NLRC5: variants seen among roughly 807,000 people sequenced by gnomAD.
NLRC5 encodes protein NLRC5.
In NLRC5, 114 loss-of-function variants were observed where a neutral mutation model predicts 206.9. The ratio of observed to expected loss-of-function variants is 0.55; its 90% CI spans 0.47 to 0.64. NLRC5 has a LOEUF of 0.64. NLRC5 is among the 30% of genes least tolerant of loss of function. NLRC5 has a pLI of 0.00. For synonymous variants in NLRC5, 952 were observed against 962.8 expected, an observed-to-expected ratio of 0.99 and a Z score of 0.21; for missense variants, 2,008 against 2,305.5, an observed-to-expected ratio of 0.87 and a Z score of 2.64.
At chr16:57,080,481 A>AT (rs34595999) in intron 46 of NLRC5, among the ~76,000 whole-genome samples, 21,342 of 110,934 alleles carry the variant, frequency 0.19, 3,224 homozygotes, top group South Asian at 0.35. Context: ...TCCTTTCAAG[A>AT]TTTTTTTTTT....
At chr16:57,038,428 T>G (rs2062870770) in intron 15 of NLRC5, among the ~76,000 whole-genome samples, 1 of 152,130 alleles carries the variant, frequency 6.6e-6, no homozygotes, top group Admixed American at 6.5e-5. Context: ...TGGCAATTTT[T>G]TTTATTTTTA....
At chr16:57,027,150 C>T (rs1372992366) in intron 6 of NLRC5, 132 bp downstream of exon 6, 1 of 1,100,216 alleles carries the variant, frequency 9.1e-7, no homozygotes, top group Non-Finnish European at 1.3e-6. Context: ...GCCTGCAATG[C>T]AAGAGAGGAA....
chr16:57,004,151 G>C (rs1313298153), intron 1 of NLRC5: 1 of 152,718 alleles, frequency 6.5e-6, no homozygotes, highest in Non-Finnish European at 1.5e-5. Context: ...GCAAGGCGGG[G>C]ACTTGTGAAA....
In NLRC5 at chr16:57,059,399, G is replaced by T. The variant is rs2066115252; in HGVS notation, c.3921-68G>T. The T allele has an allele frequency of 4.5e-6, 7 of 1,551,532 alleles. No homozygotes were observed. ...CCCGCTTCCCTCTCTGTGCCCTGTG[G>T]GTGCCCTAGGTGCCTAGGAAGCTGG... On this transcript the variant is annotated intron_variant, in intron 29 of 48. Coordinates refer to ENST00000688547, the MANE Select transcript of NLRC5 (RefSeq NM_001384950.1).
intron 16 of NLRC5, among the ~76,000 whole-genome samples, 165 bp from the exon 17 acceptor site, chr16:57,040,485 G>A (rs2063144760): frequency 6.6e-6 from 1 of 152,172 alleles, no homozygotes; most frequent in South Asian, 2.1e-4. Context: ...GCTGTGATTT[G>A]TCCAGGGTCA....
At chr16:57,012,354 T>A (rs2059588996) in intron 1 of NLRC5, among the ~76,000 whole-genome samples, 1 of 152,092 alleles carries the variant, frequency 6.6e-6, no homozygotes, top group Admixed American at 6.6e-5. Context: ...ATATTTTCAT[T>A]TCTCTTGGAA....
At position 57,082,528 on chromosome 16, in the gene NLRC5, A is replaced by G. The variant is rs770066231; in HGVS notation, c.5601A>G (p.Ter1867TrpextTer12). The change falls in exon 49 of 49, where the codon TGA becomes TGG. Residue 1867 changes from the stop codon to tryptophan (W), a stop_lost. Coordinates refer to ENST00000688547, the MANE Select transcript of NLRC5 (RefSeq NM_001384950.1). ...DNQPQAPWGT[*>W] ...AGCCCCAGGCCCCTTGGGGTACTTG[A>G]TGGCCCCCTCAAGACCTTTGGAATC... The G allele has an allele frequency of 1.6e-5, 25 of 1,608,598 alleles. No homozygotes were observed. Among genetic ancestry groups the G allele is most frequent in the Middle Eastern group, 1.7e-4 (1 of 6,048 alleles).
At chr16:56,998,371 T>C (rs17310296) in intron 1 of NLRC5, among the ~76,000 whole-genome samples, 6,853 of 152,246 alleles carry the variant, frequency 0.045, 254 homozygotes, top group South Asian at 0.16. Context: ...CTATTTGATA[T>C]GTTTCCAGAA....
At chr16:57,021,891 G>A (rs956635707) in intron 3 of NLRC5, among the ~76,000 whole-genome samples, 5 of 152,202 alleles carry the variant, frequency 3.3e-5, no homozygotes, top group African/African-American at 9.6e-5. Flanking sequence ...AATTGCGGGG[G>A]GCGGGGCGGC....
chr16:56,990,646 A>C (rs1253568153), intron 1 of NLRC5: 1 of 152,172 alleles, frequency 6.6e-6, no homozygotes. Context: ...GCAGACCTAA[A>C]AAGCAGTTTG....
intron 33 of NLRC5, among the ~76,000 whole-genome samples, chr16:57,066,019 C>CCCCA (rs1435214110): frequency 1.3e-5 from 2 of 152,208 alleles, no homozygotes; most frequent in Non-Finnish European, 2.9e-5. Flanking sequence ...ACATCCCCTA[C>CCCCA]CCCACCCTTC....
chr16:57,013,305 G>T, intron 1 of NLRC5: 1 of 625,004 alleles, frequency 1.6e-6, no homozygotes, highest in Admixed American at 2.2e-5. Context: ...TCATTTCTAA[G>T]CTGACGGTCA....
At chr16:57,044,189 T>C (rs1292143087) in intron 20 of NLRC5, among the ~76,000 whole-genome samples, 1 of 150,358 alleles carries the variant, frequency 6.7e-6, no homozygotes, top group Non-Finnish European at 1.5e-5. Context: ...TGAGCCCTTG[T>C]AGTGCCAGCC....
chr16:57,082,687 G>A lies in NLRC5; in HGVS notation c.*159G>A, dbSNP rs1021826305. On this transcript the variant is annotated 3_prime_UTR_variant, in exon 49 of 49. Transcript: ENST00000688547. ...CGTGTGTCCTGCTGCAGTCCTCAGG[G>A]AGAACTTTTTTGGGAACCAGGAGCT... 8.2e-5 allele frequency: 48 copies of A among 582,364 alleles called. No homozygotes were observed. The highest frequency in any genetic ancestry group is 2.6e-4 in the African/African-American group (14 of 53,520). 36.1% of individuals were successfully genotyped at this position (582,364 alleles called of 1,614,324 possible). A position where few individuals can be genotyped will look rare whatever the true frequency, so the allele number is the denominator to read the frequency against.
intron 10 of NLRC5, among the ~76,000 whole-genome samples, chr16:57,030,614 AGATG>A (rs66917392): frequency 0.34 from 47,979 of 140,638 alleles, 8,208 homozygotes; most frequent in East Asian, 0.55. Context: ...GTGTGTGAAA[AGATG>A]GATGGATGGA....
At chr16:57,012,155 TC>T (rs772463494) in intron 1 of NLRC5, among the ~76,000 whole-genome samples, 142 of 152,360 alleles carry the variant, frequency 9.3e-4, no homozygotes, top group Non-Finnish European at 1.8e-3. Context: ...CAATACGTGA[TC>T]TTTAGTGATC....
Position 57,077,861 on chromosome 16 carries a change from T to A in NLRC5, c.5003+59T>A, listed in dbSNP as rs371830335. ...TGCCCCCCAGGTCCACCTGGCCTCC[T>A]CTCCCGCAGTGGGCACAGGGCAGGG... On this transcript the variant is annotated intron_variant, in intron 42 of 48. Coordinates refer to ENST00000688547, the MANE Select transcript of NLRC5 (RefSeq NM_001384950.1). The A allele has an allele frequency of 1.8e-5, 28 of 1,592,282 alleles. No individual in the cohort carries two copies. In the African/African-American group the frequency reaches 3.5e-4, roughly 20 times the overall value.
At chr16:57,000,868 G>A (rs1307822925) in intron 1 of NLRC5, among the ~76,000 whole-genome samples, 5 of 152,136 alleles carry the variant, frequency 3.3e-5, no homozygotes, top group African/African-American at 4.8e-5. Context: ...GGAGGGTGAC[G>A]CCTCCCAGAA....
intron 19 of NLRC5, among the ~76,000 whole-genome samples, chr16:57,042,672 T>C (rs2063432265): frequency 6.6e-6 from 1 of 152,224 alleles, no homozygotes; most frequent in Non-Finnish European, 1.5e-5. Context: ...TCACAGGTCC[T>C]ATATTCCAGG....
Sources: allele counts gnomAD v4.1 joint callset (sites outside exome capture counted in the v4.1 genomes callset), GRCh38; gene constraint gnomAD v4.1.1; transcripts MANE v1.5; gene names NCBI Gene and HGNC (gene_info 2026-07-23, HGNC 2026-07-21).